RAPGEF1: variants seen among roughly 807,000 people sequenced by gnomAD.
RAPGEF1 encodes Rap guanine nucleotide exchange factor 1, also known as CRK SH3-binding GNRP.
A neutral mutation model predicts 143.3 loss-of-function variants in RAPGEF1; 33 were observed. That is an observed-to-expected ratio of 0.23 (90% CI 0.17 to 0.31). The LOEUF is 0.31. RAPGEF1 is among the 10% of genes least tolerant of loss of function. The pLI is 1.00. For missense variants in RAPGEF1, 1,199 were observed against 1,645.4 expected (o/e 0.73, Z 4.69); for synonymous variants, 629 against 676.5 (o/e 0.93, Z 1.09).
At chr9:131,593,126 C>T (rs990113515) in intron 17 of RAPGEF1, among the ~76,000 whole-genome samples, 3 of 152,222 alleles carry the variant, frequency 2.0e-5, no homozygotes, top group Non-Finnish European at 2.9e-5. Context: ...TGAAGAGGCA[C>T]GGCTTGGGCC....
chr9:131,669,160 G>A (rs577237103), intron 1 of RAPGEF1, among the ~76,000 whole-genome samples: 2 of 152,190 alleles, frequency 1.3e-5, no homozygotes, highest in African/African-American at 2.4e-5. Context: ...CCTCTGCTGC[G>A]CTAGCCCTGC....
At chr9:131,624,643 G>C (rs1233207888) in intron 10 of RAPGEF1, among the ~76,000 whole-genome samples, 2 of 152,194 alleles carry the variant, frequency 1.3e-5, no homozygotes, top group Non-Finnish European at 2.9e-5. Flanking sequence ...AACCTGAATG[G>C]CACGCAGCCC....
At chr9:131,734,464 C>T (rs1361399648) in intron 1 of RAPGEF1, among the ~76,000 whole-genome samples, 1 of 152,226 alleles carries the variant, frequency 6.6e-6, no homozygotes, top group African/African-American at 2.4e-5. Flanking sequence ...CAGGTTCCTG[C>T]TGGCTCCCTG....
intron 13 of RAPGEF1, 86 bp from the exon 14 acceptor site, chr9:131,604,139 C>T (rs1440374577): frequency 2.5e-6 from 2 of 801,490 alleles, no homozygotes; most frequent in Non-Finnish European, 3.7e-6. Flanking sequence ...CCACAGCCTG[C>T]ACTCTGGTCT....
intron 1 of RAPGEF1, among the ~76,000 whole-genome samples, chr9:131,668,405 T>C (rs377241524): frequency 1.2e-4 from 19 of 152,052 alleles, no homozygotes; most frequent in African/African-American, 4.3e-4. Context: ...AAGCCAGGAG[T>C]GGGGCTTCTA....
intron 25 of RAPGEF1, among the ~76,000 whole-genome samples, chr9:131,581,278 C>T (rs1951831221): frequency 6.6e-6 from 1 of 152,068 alleles, no homozygotes; most frequent in South Asian, 2.1e-4. Context: ...CCTGTAATCC[C>T]AGCTACTAAG....
chr9:131,712,160 C>T (rs996927364), intron 1 of RAPGEF1, among the ~76,000 whole-genome samples: 2 of 152,178 alleles, frequency 1.3e-5, no homozygotes, highest in African/African-American at 4.8e-5. Flanking sequence ...GTTTCCCTCA[C>T]AGAGCCCGCA....
chr9:131,648,014 G>C (rs1970110289), intron 3 of RAPGEF1, among the ~76,000 whole-genome samples: 1 of 152,144 alleles, frequency 6.6e-6, no homozygotes, highest in African/African-American at 2.4e-5. Flanking sequence ...AATGGCCCCT[G>C]GGGTTTACAG....
At chr9:131,689,050 AAG>A (rs1177199820) in intron 1 of RAPGEF1, among the ~76,000 whole-genome samples, 1 of 152,230 alleles carries the variant, frequency 6.6e-6, no homozygotes, top group Non-Finnish European at 1.5e-5. Context: ...CGTTTCATCC[AAG>A]AGTCATCTTT....
At chr9:131,600,509 G>C (rs550124081) in intron 15 of RAPGEF1, among the ~76,000 whole-genome samples, 37 of 152,356 alleles carry the variant, frequency 2.4e-4, no homozygotes, top group Non-Finnish European at 4.7e-4. Context: ...CAGGAGGCAG[G>C]CTGGGCAGGT....
Position 131,720,010 on chromosome 9 carries a change from C to T in RAPGEF1, c.61+19760G>A, listed in dbSNP as rs961081941. Among the ~76,000 whole-genome samples, 7 of 152,072 alleles carry T rather than the reference C, an allele frequency of 4.6e-5. No homozygotes were observed. In the South Asian group the frequency reaches 1.0e-3, roughly 23 times the overall value. ...AAGCGATTCTCCTGCCTGAGCCTCC[C>T]GATTAGCTGGGACTACAGGCATGGG... is the stretch of plus-strand genomic sequence containing the variant. On this transcript the variant is annotated intron_variant, in intron 1 of 26. Coordinates refer to ENST00000683357, the MANE Select transcript of RAPGEF1 (RefSeq NM_001377935.1).
chr9:131,674,782 G>C (rs1728717329), intron 1 of RAPGEF1, among the ~76,000 whole-genome samples: 1 of 152,328 alleles, frequency 6.6e-6, no homozygotes, highest in African/African-American at 2.4e-5. Context: ...CTGAGGAAAA[G>C]CCTCTGTCCT....
chr9:131,585,490 G>A (rs1952572020), intron 22 of RAPGEF1, among the ~76,000 whole-genome samples: 1 of 152,228 alleles, frequency 6.6e-6, no homozygotes, highest in Admixed American at 6.5e-5. Flanking sequence ...CCTCTGTGCA[G>A]CCAGGCCCTG....
At chr9:131,721,004 A>T (rs1307489901) in intron 1 of RAPGEF1, among the ~76,000 whole-genome samples, 1 of 152,224 alleles carries the variant, frequency 6.6e-6, no homozygotes, top group Non-Finnish European at 1.5e-5. Flanking sequence ...GAACCAAACC[A>T]TCCCAGATTT....
chr9:131,603,015 T>C (rs936268365), intron 14 of RAPGEF1, among the ~76,000 whole-genome samples: 1 of 151,514 alleles, frequency 6.6e-6, no homozygotes, highest in Non-Finnish European at 1.5e-5. Flanking sequence ...AGCCGGGGGG[T>C]GCCAGATGCA....
intron 1 of RAPGEF1, among the ~76,000 whole-genome samples, chr9:131,736,235 T>C (rs576011318): frequency 6.6e-6 from 1 of 152,274 alleles, no homozygotes; most frequent in South Asian, 2.1e-4. Flanking sequence ...CTCCCTAATC[T>C]GTCCAGCTCT....
At chr9:131,699,746 C>T (rs138399501) in intron 1 of RAPGEF1, among the ~76,000 whole-genome samples, 7 of 152,274 alleles carry the variant, frequency 4.6e-5, no homozygotes, top group South Asian at 2.1e-4. Context: ...GAAGGTCTTT[C>T]GAGGTTTCTG....
intron 1 of RAPGEF1, among the ~76,000 whole-genome samples, chr9:131,669,240 A>G (rs190317213): frequency 1.7e-3 from 259 of 152,336 alleles, no homozygotes; most frequent in Non-Finnish European, 2.2e-3. Context: ...CAGCATTTTC[A>G]TTCGTCAGTA....
chr9:131,629,753 T>C (rs1391415657), intron 6 of RAPGEF1, among the ~76,000 whole-genome samples: 2 of 151,646 alleles, frequency 1.3e-5, no homozygotes, highest in African/African-American at 2.4e-5. Flanking sequence ...ATCGCACCAC[T>C]GCACTCCAGC....
Sources: gnomAD v4.1 joint callset for allele counts (sites outside exome capture counted in the v4.1 genomes callset) on GRCh38, gnomAD v4.1.1 for gene constraint, MANE v1.5 for transcripts, NCBI Gene and HGNC (gene_info 2026-07-23, HGNC 2026-07-21) for gene names.